SYTL2: variants seen among roughly 807,000 people sequenced by gnomAD.
SYTL2 encodes synaptotagmin like 2, also known as synaptotagmin-like protein 2.
SYTL2 carries 165 observed loss-of-function variants against 198.7 expected under a neutral mutation model. The ratio of observed to expected loss-of-function variants is 0.83; its 90% CI spans 0.73 to 0.94. The LOEUF (loss-of-function observed/expected upper bound fraction) is 0.94. Ranked by LOEUF, SYTL2 falls within the 40% of genes least tolerant of loss-of-function variation. The probability of loss-of-function intolerance (pLI) is 0.00; values close to 1 mark genes in which losing one functional copy is unlikely to be tolerated. For missense variants in SYTL2, 2,835 were observed against 2,582.8 expected (o/e 1.10, Z -2.12); for synonymous variants, 966 against 917.7 (o/e 1.05, Z -0.95).
At chr11:85,832,182 T>C in the SYTL2 span, among the ~76,000 whole-genome samples, 735 of 152,324 alleles carry the variant, frequency 4.8e-3, 2 homozygotes, top group Middle Eastern at 0.014. Flanking sequence ...CTACCACTTA[T>C]TGGGCATCTA....
Position 85,726,101 on chromosome 11 carries a change from G to A in SYTL2, c.3257C>T (p.Ser1086Leu). 6.2e-7 allele frequency: 1 copy of A among 1,613,598 alleles called. No homozygotes were observed. The highest frequency in any genetic ancestry group is 8.5e-7 in the Non-Finnish European group (1 of 1,179,876). The change falls in exon 8 of 20, where the codon TCA (serine) becomes TTA (leucine). Residue 1086 changes from serine (S) to leucine (L), a missense_variant. Ser to Leu is a moderately radical substitution (Grantham distance 145, BLOSUM62 -2). This residue lies in a region of SYTL2 where 2,645 missense variants were observed against 2,381.7 expected (regional missense o/e 1.11). Transcript: ENST00000359152. ...ATTCTTTTCCACATTTTCCTTTGAT[G>A]ACTCATTTCCTGGCAACTGATAAGT... The part of the protein sequence containing the change: ...KYTYQLPGNE[S>L]SKENVEKNTE...
At chr11:85,753,925 T>C (rs985442482) in intron 2 of SYTL2, among the ~76,000 whole-genome samples, 24 of 152,208 alleles carry the variant, frequency 1.6e-4, no homozygotes, top group Non-Finnish European at 3.4e-4. Flanking sequence ...ACCGCCATAC[T>C]GAAAAAGATT....
chr11:85,711,167 G>A lies in SYTL2; in HGVS notation c.5691C>T (p.Ser1897=), dbSNP rs1367870349. The A allele has an allele frequency of 6.2e-7, 1 of 1,614,018 alleles. No homozygotes were observed. Among genetic ancestry groups the A allele is most frequent in the African/African-American group, 1.3e-5 (1 of 75,010 alleles). ...SSYQLSRHKK[S]PSSLTNLSSS... is the part of the protein sequence containing the mutation. ...TGCTAAGATTGGTTAAAGAGCTCGG[G>A]CTCTTCTTGTGTCTGCTGAGCTGGT... Residue 1897 remains serine (S), a synonymous_variant, in exon 13 of 20, where the codon AGC becomes AGT. Transcript: ENST00000359152.
the SYTL2 span, among the ~76,000 whole-genome samples, chr11:85,831,617 G>T: frequency 2.0e-5 from 3 of 152,118 alleles, no homozygotes; most frequent in African/African-American, 7.2e-5. Context: ...AAAAACACAA[G>T]AAAAATTCTG....
Position 85,727,915 on chromosome 11 carries a change from A to G in SYTL2, c.1443T>C (p.Ser481=), listed in dbSNP as rs1235043637. Residue 481 remains serine (S), a synonymous_variant, in exon 8 of 20, where the codon AGT becomes AGC. Transcript: ENST00000359152. The part of the protein sequence containing the change: ...EPEPSQVPGG[S]SRDRQQGKPP... Reference sequence around the variant, plus strand: ...GCTTACCTTGCTGACGGTCTCTAGAACTGCCACCTGGCACCTGAGATGGCT... The same window carrying G: ...GCTTACCTTGCTGACGGTCTCTAGAGCTGCCACCTGGCACCTGAGATGGCT... 2 of 1,613,550 alleles carry G rather than the reference A, an allele frequency of 1.2e-6. No individual in the cohort carries two copies. The highest frequency in any genetic ancestry group is 1.3e-5 in the African/African-American group (1 of 74,950).
At chr11:85,793,107 A>C (rs2092755011) in intron 1 of SYTL2, among the ~76,000 whole-genome samples, 1 of 151,810 alleles carries the variant, frequency 6.6e-6, no homozygotes, top group Non-Finnish European at 1.5e-5. Context: ...ATGTGTCTTT[A>C]TAGCAGCATG....
the SYTL2 span, among the ~76,000 whole-genome samples, chr11:85,824,620 C>T: frequency 2.6e-5 from 4 of 152,186 alleles, no homozygotes; most frequent in African/African-American, 9.7e-5. Context: ...CTAAATTCTG[C>T]CATTCTAAAA....
Position 85,705,014 on chromosome 11 carries a change from T to C in SYTL2, c.6033A>G (p.Lys2011=), listed in dbSNP as rs761526213. 10 of 1,610,848 alleles carry C rather than the reference T, an allele frequency of 6.2e-6. No homozygotes were observed. The highest frequency in any genetic ancestry group is 8.5e-6 in the Non-Finnish European group (10 of 1,178,142). ...TCAATTTCTGTGTCTTTAAGATTTG[T>C]TTTTCAATTTTATACTGAAGTTCAA... ...YNEILRYKIE[K]QILKTQKLNL... The change falls in exon 16 of 20, where the codon AAA becomes AAG. Residue 2011 remains lysine (K), a synonymous_variant. Transcript: ENST00000359152.
At chr11:85,722,233 C>G (rs1396300082) in intron 8 of SYTL2, among the ~76,000 whole-genome samples, 1 of 130,474 alleles carries the variant, frequency 7.7e-6, no homozygotes, top group African/African-American at 3.0e-5. Flanking sequence ...GGCTGGAGTG[C>G]AGTGGCGTGA....
At chr11:85,722,450 A>G (rs1424618923) in intron 8 of SYTL2, among the ~76,000 whole-genome samples, 1 of 152,224 alleles carries the variant, frequency 6.6e-6, no homozygotes, top group Middle Eastern at 3.4e-3. Flanking sequence ...CTGGGATTAC[A>G]GGCGTGAGCC....
In SYTL2 at chr11:85,724,088, G is replaced by C. The variant is rs1035691645; in HGVS notation, c.5270C>G (p.Ser1757Cys). ...ACTGGTGTTTCCATCTGAAAAATCA[G>C]ACTCAGAGAAACCTTCTTTTTCTTC... ...KEEEKEGFSE[S>C]DFSDGNTSSN... The change falls in exon 8 of 20, where the codon TCT (serine) becomes TGT (cysteine). Residue 1757 changes from serine to cysteine, a missense_variant. Coordinates refer to ENST00000359152, the MANE Select transcript of SYTL2 (RefSeq NM_206927.4). The C allele has an allele frequency of 5.1e-6, 8 of 1,568,670 alleles. No individual in the cohort carries two copies. Among genetic ancestry groups the C allele is most frequent in the East Asian group, 2.3e-5 (1 of 44,094 alleles).
Position 85,695,170 on chromosome 11 carries a change from G to T in SYTL2, c.*25C>A. The T allele has an allele frequency of 6.2e-7, 1 of 1,602,818 alleles. No homozygotes were observed. The highest frequency in any genetic ancestry group is 8.5e-7 in the Non-Finnish European group (1 of 1,173,598). On this transcript the variant is annotated 3_prime_UTR_variant, in exon 20 of 20. Coordinates refer to ENST00000359152, the MANE Select transcript of SYTL2 (RefSeq NM_206927.4). Reference sequence around the variant, plus strand: ...GATTCCACCGGTTTAGTAGTTTTCAGTGGAGGAGCCAGTGGAATTTGGGCT... The same window carrying T: ...GATTCCACCGGTTTAGTAGTTTTCATTGGAGGAGCCAGTGGAATTTGGGCT...
At chr11:85,841,019 G>T in the SYTL2 span, among the ~76,000 whole-genome samples, 1 of 152,062 alleles carries the variant, frequency 6.6e-6, no homozygotes, top group African/African-American at 2.4e-5. Context: ...TAGAAAGTGG[G>T]CAAATGATAT....
intron 1 of SYTL2, among the ~76,000 whole-genome samples, chr11:85,777,663 G>A (rs1467831681): frequency 3.7e-5 from 5 of 133,448 alleles, no homozygotes; most frequent in African/African-American, 5.7e-5. Flanking sequence ...CCAAAAAAAA[G>A]AAAAAGAAAA....
rs58592878 is a variant in SYTL2, at chr11:85,706,818, G to A, written c.6018+611C>T. On this transcript the variant is annotated intron_variant, in intron 15 of 19. Transcript: ENST00000359152. ...GCAATGCTCAACTTTATCAGCTGTG[G>A]GTTTTTTTTGTTTTTTGTTTTGTTT... is the stretch of plus-strand genomic sequence containing the variant. Among the ~76,000 whole-genome samples, 75 of 151,744 alleles carry A rather than the reference G, an allele frequency of 4.9e-4. 1 individual carries two copies. The highest frequency in any genetic ancestry group is 1.8e-3 in the African/African-American group (75 of 41,324).
At position 85,725,246 on chromosome 11, in the gene SYTL2, C is replaced by G. The variant is rs756290823; in HGVS notation, c.4112G>C (p.Ser1371Thr). ...LPPRPVLNDVSAALQKLCGEV... is the reference protein window; with the variant it reads ...LPPRPVLNDVTAALQKLCGEV... ...TCCACACAGCTTCTGTAATGCAGCACTTACATCATTCAATACAGGTCTGGG... is the reference window on the plus strand; with the variant it reads ...TCCACACAGCTTCTGTAATGCAGCAGTTACATCATTCAATACAGGTCTGGG... The change falls in exon 8 of 20, where the codon AGT (serine) becomes ACT (threonine). Residue 1371 changes from serine (S) to threonine (T), a missense_variant. Around this residue, in one of 3 missense-constraint regions of SYTL2, gnomAD observed 2,645 missense variants for 2,381.7 expected, o/e 1.11. Coordinates refer to ENST00000359152, the MANE Select transcript of SYTL2 (RefSeq NM_206927.4). 1.9e-6 allele frequency: 3 copies of G among 1,614,174 alleles called. No individual in the cohort carries two copies. The highest frequency in any genetic ancestry group is 2.2e-5 in the South Asian group (2 of 91,082).
Position 85,720,904 on chromosome 11 carries a change from C to T in SYTL2, c.5382G>A (p.Arg1794=), listed in dbSNP as rs1322335734. 5.6e-6 allele frequency: 9 copies of T among 1,613,792 alleles called. No homozygotes were observed. In the South Asian group the frequency reaches 9.9e-5, roughly 18 times the overall value. ...VLKTLERSAA[R]KMPSKSLEDI... is the part of the protein sequence containing the mutation. ...CTTCTAGACTTTTGGAAGGCATTTTCCTAGCGGCACTCCTTTCCAAAGTTT... is the reference window on the plus strand; with the variant it reads ...CTTCTAGACTTTTGGAAGGCATTTTTCTAGCGGCACTCCTTTCCAAAGTTT... Residue 1794 remains arginine, a synonymous_variant, in exon 9 of 20, where the codon AGG becomes AGA. Coordinates refer to ENST00000359152, the MANE Select transcript of SYTL2 (RefSeq NM_206927.4).
At chr11:85,730,552 G>A (rs2089699449) in intron 7 of SYTL2, among the ~76,000 whole-genome samples, 1 of 152,124 alleles carries the variant, frequency 6.6e-6, no homozygotes. Context: ...AGCCCTTCTT[G>A]CTAAAAACCC....
the SYTL2 span, among the ~76,000 whole-genome samples, chr11:85,851,337 CA>C: frequency 1.3e-5 from 2 of 152,080 alleles, no homozygotes; most frequent in Non-Finnish European, 2.9e-5. Context: ...TCTGATTTAC[CA>C]AAAGTTTGAA....
Sources: allele counts gnomAD v4.1 joint callset (sites outside exome capture counted in the v4.1 genomes callset), GRCh38; gene constraint gnomAD v4.1.1; regional missense constraint gnomAD v4.1.1; transcripts MANE v1.5; gene names NCBI Gene and HGNC (gene_info 2026-07-23, HGNC 2026-07-21).